RPS6KA1: variants seen among roughly 807,000 people sequenced by gnomAD.
RPS6KA1 encodes the protein ribosomal protein S6 kinase A1.
A neutral mutation model predicts 91.3 loss-of-function variants in RPS6KA1; 48 were observed. That is an observed-to-expected ratio of 0.53 (90% CI 0.42 to 0.67). The LOEUF is 0.67. Among genes scored for constraint, RPS6KA1 ranks in the 30% least tolerant of loss-of-function variants. The pLI is 0.00. For synonymous variants in RPS6KA1, 359 were observed against 384.7 expected (o/e 0.93, Z 0.78); for missense variants, 719 against 960.5 (o/e 0.75, Z 3.32).
At chr1:26,538,881 G>C (rs1367801553) in intron 2 of RPS6KA1, among the ~76,000 whole-genome samples, 28 of 152,178 alleles carry the variant, frequency 1.8e-4, no homozygotes, top group Admixed American at 1.6e-3. Flanking sequence ...AATACACCAG[G>C]GGGCGCTCAA....
intron 4 of RPS6KA1, among the ~76,000 whole-genome samples, chr1:26,548,801 G>GAAA (rs751538265): frequency 1.6e-5 from 2 of 126,168 alleles, no homozygotes; most frequent in African/African-American, 2.9e-5. Context: ...CTCCATCTCA[G>GAAA]AAAAAAAAAA....
rs1263226678 is a variant in RPS6KA1, at chr1:26,558,851, C to T, written c.1129C>T (p.Arg377Trp). The change falls in exon 14 of 22, where the codon CGG becomes TGG. Residue 377 changes from arginine (R) to tryptophan (W), a missense_variant. By Grantham distance (101) the Arg-to-Trp change is moderately radical. This residue lies in a region of RPS6KA1 where 228 missense variants were observed against 247.6 expected (regional missense o/e 0.92). Coordinates refer to ENST00000374168, the MANE Select transcript of RPS6KA1 (RefSeq NM_002953.4). This position sits in a 1 kb window ranked among gnomAD's most constrained non-coding sequence, Gnocchi z 4.0. ...PPSAGAHQLF[R>W]GFSFVATGLM... ...CAGCGCTGGGGCCCATCAGCTGTTCCGGGGCTTCAGCTTCGTGGCCACCGG... is the reference window on the plus strand; with the variant it reads ...CAGCGCTGGGGCCCATCAGCTGTTCTGGGGCTTCAGCTTCGTGGCCACCGG... 4 of 1,613,686 alleles carry T rather than the reference C, an allele frequency of 2.5e-6. No homozygotes were observed. The highest frequency in any genetic ancestry group is 1.3e-5 in the African/African-American group (1 of 74,928).
rs1193178673 is a variant in RPS6KA1 at position 26,571,799 on chromosome 1, G to A, written c.1753-50G>A. 12 of 1,569,616 alleles carry A rather than the reference G, an allele frequency of 7.6e-6. No individual in the cohort carries two copies. Among genetic ancestry groups the A allele is most frequent in the Middle Eastern group, 3.3e-4 (2 of 5,992 alleles). On this transcript the variant is annotated intron_variant, in intron 18 of 21. Transcript: ENST00000374168. The surrounding 1 kb of genome is among the most constrained non-coding windows in gnomAD (Gnocchi z 5.1). Reference sequence around the variant, plus strand: ...GGGAGTAGCAGGAAACATCTGTGGCGACTTTCTACTGCCCCCCCAGACTGA... The same window carrying A: ...GGGAGTAGCAGGAAACATCTGTGGCAACTTTCTACTGCCCCCCCAGACTGA...
Position 26,574,217 on chromosome 1 carries a change from G to A in RPS6KA1, c.*16G>A, listed in dbSNP as rs2229714. On this transcript the variant is annotated 3_prime_UTR_variant, in exon 22 of 22. Transcript: ENST00000374168. This position sits in a 1 kb window ranked among gnomAD's most constrained non-coding sequence, Gnocchi z 4.3. ...CACCCTGTGAGGCACCAGGGCATTC[G>A]GGCCACAGGGCGGTGCTAGCTTGAC... 0.13 allele frequency: 209,777 copies of A among 1,613,422 alleles called. 14,790 individuals carry two copies. Among genetic ancestry groups the A allele is most frequent in the Non-Finnish European group, 0.14 (168,773 of 1,179,562 alleles).
At chr1:26,543,354 C>A in intron 2 of RPS6KA1, 2 of 699,722 alleles carry the variant, frequency 2.9e-6, no homozygotes, top group Non-Finnish European at 5.0e-6. Context: ...TGCTCTCAGT[C>A]AGAGGCAGAC....
chr1:26,536,294 TAGGA>T (rs1284023396), intron 1 of RPS6KA1, among the ~76,000 whole-genome samples: 1 of 152,142 alleles, frequency 6.6e-6, no homozygotes, highest in Non-Finnish European at 1.5e-5. Context: ...CCCCATTTAT[TAGGA>T]AGGGCAGGCC....
rs2076054266 is a variant in RPS6KA1, at chr1:26,551,929, G to T, written c.468+206G>T. ...CAAGGTCTCTGAGAGTTTCTCCCAA[G>T]GAAACTCCAGGGAGCTAAGGGTTCC... On this transcript the variant is annotated intron_variant, in intron 6 of 21. Transcript: ENST00000374168. The surrounding 1 kb of genome is among the most constrained non-coding windows in gnomAD (Gnocchi z 4.5). Among the ~76,000 whole-genome samples the T allele has an allele frequency of 6.6e-6, 1 of 152,316 alleles. No individual in the cohort carries two copies. The highest frequency in any genetic ancestry group is 1.5e-5 in the Non-Finnish European group (1 of 68,016).
At chr1:26,566,231 C>T (rs559958752) in intron 17 of RPS6KA1, among the ~76,000 whole-genome samples, 4 of 148,616 alleles carry the variant, frequency 2.7e-5, no homozygotes, top group Admixed American at 2.7e-4. Flanking sequence ...TTTTTAATCT[C>T]TTCAATCATT....
Position 26,561,271 on chromosome 1 carries a change from C to A in RPS6KA1, c.1431+137C>A. 2.1e-6 allele frequency: 2 copies of A among 947,202 alleles called. No individual in the cohort carries two copies. The highest frequency in any genetic ancestry group is 3.2e-6 in the Non-Finnish European group (2 of 621,018). The allele number at this position is 947,202 out of a possible 1,614,324, so 58.7% of individuals were successfully genotyped here. A position where few individuals can be genotyped will look rare whatever the true frequency, so the allele number is the denominator to read the frequency against. On this transcript the variant is annotated intron_variant, in intron 16 of 21. Transcript: ENST00000374168. This position sits in a 1 kb window ranked among gnomAD's most constrained non-coding sequence, Gnocchi z 5.7. Reference sequence around the variant, plus strand: ...GGGGAAGGAGGTCCCTTGGTCCCTTCAGTCTGCCCATACCCCAAGGGCCCT... The same window carrying A: ...GGGGAAGGAGGTCCCTTGGTCCCTTAAGTCTGCCCATACCCCAAGGGCCCT...
In RPS6KA1 at chr1:26,565,568, C is replaced by CTTTTCTTTTCT. The variant is rs71581076; in HGVS notation, c.1590+3909_1590+3910insCTTTTCTTTTT. Among the ~76,000 whole-genome samples, 17 of 150,424 alleles carry CTTTTCTTTTCT rather than the reference C, an allele frequency of 1.1e-4. No homozygotes were observed. In the South Asian group the frequency reaches 1.9e-3, roughly 17 times the overall value. ...TTTTTCTTTTCTTTTCTTTTCTTTT[C>CTTTTCTTTTCT]TTTTTTTTTGAGATGGAGTTTTGCT... On this transcript the variant is annotated intron_variant, in intron 17 of 21. Transcript: ENST00000374168.
In RPS6KA1 at chr1:26,529,881, G is replaced by T; in HGVS notation, c.-40G>T. On this transcript the variant is annotated 5_prime_UTR_variant, in exon 1 of 22. Transcript: ENST00000374168. The surrounding 1 kb of genome is among the most constrained non-coding windows in gnomAD (Gnocchi z 4.2). ...CCAGGACCCGGGAGGCGGCGCAGCC[G>T]GGGCCGCCGGAGGAGCGCGGGTGAC... 1.4e-6 allele frequency: 2 copies of T among 1,396,076 alleles called. No individual in the cohort carries two copies. The highest frequency in any genetic ancestry group is 1.9e-6 in the Non-Finnish European group (2 of 1,070,358). The allele number at this position is 1,396,076 out of a possible 1,614,324, so 86.5% of individuals were successfully genotyped here.
At chr1:26,530,596 C>T (rs1400291015) in intron 1 of RPS6KA1, 2 of 385,492 alleles carry the variant, frequency 5.2e-6, no homozygotes, top group Non-Finnish European at 9.2e-6. Context: ...GCCCTTAGAC[C>T]TTGTGAAGAT....
At chr1:26,548,996 TG>T (rs1270507119) in intron 4 of RPS6KA1, among the ~76,000 whole-genome samples, 1 of 151,366 alleles carries the variant, frequency 6.6e-6, no homozygotes, top group Non-Finnish European at 1.5e-5. Flanking sequence ...GGCCAAGGAT[TG>T]TGTCCTGAAC....
chr1:26,530,781 C>G, intron 1 of RPS6KA1: 1 of 1,288,312 alleles, frequency 7.8e-7, no homozygotes, highest in Non-Finnish European at 1.0e-6. Context: ...CTCTGTGGCT[C>G]CAGTCCCTAA....
intron 21 of RPS6KA1, among the ~76,000 whole-genome samples, chr1:26,573,768 T>G (rs928188628): frequency 1.3e-5 from 2 of 151,870 alleles, no homozygotes; most frequent in African/African-American, 4.8e-5. Flanking sequence ...TGAAACCCCA[T>G]CTCTACTAAA....
At chr1:26,567,745 T>C (rs919354527) in intron 17 of RPS6KA1, among the ~76,000 whole-genome samples, 6 of 152,146 alleles carry the variant, frequency 3.9e-5, no homozygotes, top group Non-Finnish European at 7.4e-5. Flanking sequence ...AGGGGTTCAG[T>C]CCAAGGCAGT....
intron 17 of RPS6KA1, among the ~76,000 whole-genome samples, chr1:26,564,078 A>G (rs941377571): frequency 6.6e-6 from 1 of 152,106 alleles, no homozygotes; most frequent in Admixed American, 6.6e-5. Flanking sequence ...AGCTGAAATC[A>G]CACCACTGCA....
Position 26,558,947 on chromosome 1 carries a change from G to C in RPS6KA1, c.1215+10G>C, listed in dbSNP as rs1358247632. ...GCACTCGGTGGTACAGGTGAGGGGG[G>C]CAGGGGGCTGCTGCTCCATTATCCT... is the stretch of plus-strand genomic sequence containing the variant. On this transcript the variant is annotated intron_variant, in intron 14 of 21. Transcript: ENST00000374168. The surrounding 1 kb of genome is among the most constrained non-coding windows in gnomAD (Gnocchi z 4.0). 3.7e-6 allele frequency: 6 copies of C among 1,604,834 alleles called. No homozygotes were observed. In the South Asian group the frequency reaches 6.6e-5, roughly 18 times the overall value.
rs1303832749 is a variant in RPS6KA1, at chr1:26,561,361, C to T, written c.1432-144C>T. On this transcript the variant is annotated intron_variant, in intron 16 of 21. Transcript: ENST00000374168. The surrounding 1 kb of genome is among the most constrained non-coding windows in gnomAD (Gnocchi z 5.7). ...TCAGGAGACCAGTGTCAGCATCCTC[C>T]TTTTGGGGAAGGCAGGACCACTGAA... is the stretch of plus-strand genomic sequence containing the variant. 11 of 1,112,582 alleles carry T rather than the reference C, an allele frequency of 9.9e-6. 1 individual carries two copies. In the South Asian group the frequency reaches 1.4e-4, roughly 14 times the overall value. 68.9% of individuals were successfully genotyped at this position (1,112,582 alleles called of 1,614,324 possible).
Sources: gnomAD v4.1 joint callset for allele counts (sites outside exome capture counted in the v4.1 genomes callset) on GRCh38, gnomAD v4.1.1 for gene constraint, gnomAD v4.1.1 regional missense constraint, Gnocchi (gnomAD v3.1) non-coding constraint, MANE v1.5 for transcripts, NCBI Gene and HGNC (gene_info 2026-07-23, HGNC 2026-07-21) for gene names.